The following ANKRD6 variants were observed in gnomAD, a reference collection of about 807,000 sequenced individuals.
ANKRD6 encodes ankyrin repeat domain 6.
ANKRD6 carries 56 observed loss-of-function variants against 82.3 expected under a neutral mutation model. The observed-to-expected ratio is 0.68, with a 90% CI of 0.55 to 0.85. The LOEUF (loss-of-function observed/expected upper bound fraction) is 0.85, where lower values mean the gene tolerates loss of function less well. Among genes scored for constraint, ANKRD6 ranks in the 40% least tolerant of loss-of-function variants. The pLI, the probability that ANKRD6 is intolerant of heterozygous loss-of-function variation, is 0.00. For missense variants in ANKRD6, 852 were observed against 907.6 expected, an observed-to-expected ratio of 0.94 and a Z score of 0.79; for synonymous variants, 347 against 352.1, an observed-to-expected ratio of 0.99 and a Z score of 0.16.
At position 89,616,809 on chromosome 6, in the gene ANKRD6, G is replaced by C. The variant is rs1017442214; in HGVS notation, c.714+152G>C. 1.9e-5 allele frequency: 15 copies of C among 785,498 alleles called. No individual in the cohort carries two copies. In the African/African-American group the frequency reaches 2.2e-4, roughly 12 times the overall value. 48.7% of individuals were successfully genotyped at this position (785,498 alleles called of 1,614,324 possible). On this transcript the variant is annotated intron_variant, in intron 8 of 15. Transcript: ENST00000339746. The stretch of plus-strand genomic sequence containing the variant: ...CACAGCCCCCAGGGCCATTGGGGTG[G>C]ACTTGAAGGGTACCCCTGCTCTGAG...
At chr6:89,602,172 G>C (rs547041339) in intron 3 of ANKRD6, 1 of 152,340 alleles carries the variant, frequency 6.6e-6, no homozygotes, top group East Asian at 1.9e-4. Flanking sequence ...CCCTTTCAAG[G>C]CTGGACCACA....
intron 1 of ANKRD6, among the ~76,000 whole-genome samples, chr6:89,564,203 A>T (rs1308534742): frequency 6.6e-6 from 1 of 151,994 alleles, no homozygotes; most frequent in Non-Finnish European, 1.5e-5. Flanking sequence ...TCTGGTAGGG[A>T]GAGTATCCAA....
intron 10 of ANKRD6, 55 bp from the exon 11 acceptor site, chr6:89,623,355 T>C: frequency 6.4e-7 from 1 of 1,551,902 alleles, no homozygotes; most frequent in East Asian, 2.3e-5. Context: ...ACCATATTAG[T>C]GAAAAAGGCC....
chr6:89,489,583 A>C (rs1233495261), intron 1 of ANKRD6, among the ~76,000 whole-genome samples: 1 of 152,228 alleles, frequency 6.6e-6, no homozygotes, highest in East Asian at 1.9e-4. Context: ...CTAGAATTCC[A>C]GATCAACATA....
rs17292811 is a variant in ANKRD6 at position 89,623,880 on chromosome 6, A to T, written c.1041A>T (p.Ala347=). ...CTCTTCCTCTCTTACAGGTGTCAGC[A>T]TTTTCTGACCCCACCCCACCAGCCG... ...RRRKSRPKVS[A]FSDPTPPADQ... is the part of the protein sequence containing the mutation. Residue 347 remains alanine (A), a synonymous_variant, in exon 12 of 16, where the codon GCA becomes GCT. Coordinates refer to ENST00000339746, the MANE Select transcript of ANKRD6 (RefSeq NM_001242809.2). 3 of 1,612,780 alleles carry T rather than the reference A, an allele frequency of 1.9e-6. No homozygotes were observed. The highest frequency in any genetic ancestry group is 2.5e-6 in the Non-Finnish European group (3 of 1,179,352).
At chr6:89,589,422 G>A (rs1794441923) in intron 2 of ANKRD6, among the ~76,000 whole-genome samples, 1 of 152,210 alleles carries the variant, frequency 6.6e-6, no homozygotes, top group African/African-American at 2.4e-5. Context: ...CCAGGAAGGA[G>A]GCTGAGCACC....
At chr6:89,595,331 G>A (rs1482612609) in intron 2 of ANKRD6, among the ~76,000 whole-genome samples, 1 of 152,148 alleles carries the variant, frequency 6.6e-6, no homozygotes, top group African/African-American at 2.4e-5. Context: ...AGAGGATGAT[G>A]AGTAAATAAT....
At chr6:89,562,147 C>A (rs972788687) in intron 1 of ANKRD6, among the ~76,000 whole-genome samples, 1 of 152,164 alleles carries the variant, frequency 6.6e-6, no homozygotes, top group Non-Finnish European at 1.5e-5. Context: ...CTGGAGCACA[C>A]GCTTACAAGT....
intron 1 of ANKRD6, among the ~76,000 whole-genome samples, chr6:89,539,458 A>T (rs539340655): frequency 6.6e-6 from 1 of 152,132 alleles, no homozygotes; most frequent in Non-Finnish European, 1.5e-5. Context: ...AATGATATAC[A>T]TGGTGTTTAT....
chr6:89,586,516 G>A (rs1455750263), intron 2 of ANKRD6, among the ~76,000 whole-genome samples: 14 of 151,728 alleles, frequency 9.2e-5, no homozygotes, highest in African/African-American at 3.4e-4. Flanking sequence ...GTGAAACCCT[G>A]TCTCTACTAA....
intron 1 of ANKRD6, among the ~76,000 whole-genome samples, chr6:89,437,161 G>T (rs946589652): frequency 6.6e-6 from 1 of 152,096 alleles, no homozygotes; most frequent in South Asian, 2.1e-4. Context: ...AAAAAGGTTA[G>T]TAAGCGCTAT....
intron 1 of ANKRD6, among the ~76,000 whole-genome samples, chr6:89,501,934 T>C (rs190177048): frequency 3.3e-5 from 5 of 152,358 alleles, no homozygotes; most frequent in Admixed American, 1.3e-4. Context: ...ATGTGTTCTT[T>C]TAATGGGTCT....
chr6:89,567,139 G>T (rs758873676), intron 2 of ANKRD6, 43 bp downstream of exon 2: 5 of 1,553,468 alleles, frequency 3.2e-6, no homozygotes, highest in Non-Finnish European at 4.4e-6. Context: ...CTGGGAACTG[G>T]CCTACCTCTT....
At chr6:89,591,155 G>A (rs891334421) in intron 2 of ANKRD6, among the ~76,000 whole-genome samples, 2 of 152,090 alleles carry the variant, frequency 1.3e-5, no homozygotes, top group Non-Finnish European at 2.9e-5. Context: ...CCAGACTGAA[G>A]TGCAATGGTG....
At chr6:89,600,003 G>A (rs145281213) in intron 3 of ANKRD6, among the ~76,000 whole-genome samples, 62 of 152,222 alleles carry the variant, frequency 4.1e-4, no homozygotes, top group Middle Eastern at 3.4e-3. Context: ...CAGCCAAAAG[G>A]TCCCCCAGAG....
intron 1 of ANKRD6, chr6:89,508,886 C>T (rs574220335): frequency 3.9e-5 from 6 of 152,302 alleles, no homozygotes; most frequent in Admixed American, 2.6e-4. Flanking sequence ...GAATGTTTGG[C>T]TCTCCATGAA....
chr6:89,440,502 T>A (rs1301840491), intron 1 of ANKRD6, among the ~76,000 whole-genome samples: 1 of 152,226 alleles, frequency 6.6e-6, no homozygotes, highest in Non-Finnish European at 1.5e-5. Flanking sequence ...TATGTCCTGC[T>A]TTTAGCAAAT....
chr6:89,629,826 T>C (rs542926539), intron 15 of ANKRD6, among the ~76,000 whole-genome samples: 1 of 152,336 alleles, frequency 6.6e-6, no homozygotes, highest in Middle Eastern at 3.4e-3. Flanking sequence ...ATAAGTGCTT[T>C]GTGTTACCAC....
chr6:89,545,637 C>T (rs1286749146), intron 1 of ANKRD6, among the ~76,000 whole-genome samples: 1 of 152,062 alleles, frequency 6.6e-6, no homozygotes, highest in Non-Finnish European at 1.5e-5. Flanking sequence ...CCAAGTGTTG[C>T]CCCTGAAGTT....
Sources: allele counts gnomAD v4.1 joint callset (sites outside exome capture counted in the v4.1 genomes callset), GRCh38; gene constraint gnomAD v4.1.1; transcripts MANE v1.5; gene names NCBI Gene and HGNC (gene_info 2026-07-23, HGNC 2026-07-21).